DPYS: variants seen among roughly 807,000 people sequenced by gnomAD.
DPYS encodes the protein dihydropyrimidine amidohydrolase.
DPYS carries 39 observed loss-of-function variants against 50.3 expected under a neutral mutation model. The observed-to-expected ratio is 0.78, with a 90% confidence interval of 0.60 to 1.01. DPYS has a LOEUF of 1.01. Among genes scored for constraint, DPYS ranks in the 50% least tolerant of loss-of-function variants. DPYS has a pLI of 0.00. For synonymous variants in DPYS, 245 were observed against 250.7 expected, an observed-to-expected ratio of 0.98 and a Z score of 0.22; for missense variants, 659 against 680.9, an observed-to-expected ratio of 0.97 and a Z score of 0.36.
chr8:104,417,335 A>C (rs1375466545), intron 7 of DPYS, among the ~76,000 whole-genome samples: 4 of 152,238 alleles, frequency 2.6e-5, no homozygotes, highest in Non-Finnish European at 5.9e-5. Flanking sequence ...GGATGGTTTT[A>C]AATTGCCAGA....
intron 7 of DPYS, among the ~76,000 whole-genome samples, chr8:104,402,764 A>AT (rs1438883018): frequency 6.6e-6 from 1 of 152,224 alleles, no homozygotes; most frequent in Non-Finnish European, 1.5e-5. Flanking sequence ...AGAAAAAGGA[A>AT]TTAAGAGACA....
chr8:104,395,224 C>G (rs1319937830), intron 7 of DPYS, among the ~76,000 whole-genome samples: 1 of 152,152 alleles, frequency 6.6e-6, no homozygotes, highest in Non-Finnish European at 1.5e-5. Context: ...GTCTCAAACT[C>G]CAAGGCTCAA....
At chr8:104,402,604 T>G (rs775009263) in intron 7 of DPYS, among the ~76,000 whole-genome samples, 4 of 152,190 alleles carry the variant, frequency 2.6e-5, no homozygotes, top group African/African-American at 7.2e-5. Context: ...TGACATTGCT[T>G]GACAGACTAT....
chr8:104,460,965 T>G (rs1814135594), intron 1 of DPYS, among the ~76,000 whole-genome samples: 1 of 152,050 alleles, frequency 6.6e-6, no homozygotes, highest in African/African-American at 2.4e-5. Context: ...GTTTTTCCTC[T>G]GAAATTGACA....
chr8:104,415,540 T>C (rs1199837657), intron 7 of DPYS, among the ~76,000 whole-genome samples: 13 of 152,148 alleles, frequency 8.5e-5, no homozygotes, highest in Admixed American at 8.5e-4. Flanking sequence ...TGTATGCATA[T>C]GTAATCAACA....
chr8:104,446,291 G>A (rs986652930), intron 3 of DPYS, among the ~76,000 whole-genome samples: 2 of 152,092 alleles, frequency 1.3e-5, no homozygotes, highest in African/African-American at 2.4e-5. Flanking sequence ...AAAAAGATAT[G>A]AAGTTATTTC....
intron 1 of DPYS, among the ~76,000 whole-genome samples, chr8:104,457,524 TATGGTGCCA>T (rs1813968298): frequency 6.6e-6 from 1 of 152,252 alleles, no homozygotes; most frequent in Non-Finnish European, 1.5e-5. Flanking sequence ...TCTTCCCTTT[TATGGTGCCA>T]CCAAATTCTT....
At chr8:104,400,182 T>C (rs1811747568) in intron 7 of DPYS, among the ~76,000 whole-genome samples, 1 of 152,176 alleles carries the variant, frequency 6.6e-6, no homozygotes, top group Non-Finnish European at 1.5e-5. Context: ...AGTGTGTTTT[T>C]ACTGAAGTGA....
At chr8:104,439,342 T>A (rs1350732573) in intron 4 of DPYS, among the ~76,000 whole-genome samples, 3 of 152,196 alleles carry the variant, frequency 2.0e-5, no homozygotes, top group Non-Finnish European at 2.9e-5. Context: ...AGATAGAAGA[T>A]ACTTACTTTC....
rs374011466 is a variant in DPYS at position 104,429,531 on chromosome 8, T to G, written c.950+14A>C. ...TTTGGCAATACACTTCCCAGTCATC[T>G]GCAAAATGATTACTTAGCCAACAGA... On this transcript the variant is annotated intron_variant, in intron 5 of 9. Coordinates refer to ENST00000351513, the MANE Select transcript of DPYS (RefSeq NM_001385.3). 9.3e-6 allele frequency: 15 copies of G among 1,613,888 alleles called. No homozygotes were observed. The African/African-American group carries it at 2.0e-4, about 22-fold the overall frequency.
rs558330212 is a variant in DPYS, at chr8:104,437,556, C to G, written c.793+6692G>C. On this transcript the variant is annotated intron_variant, in intron 4 of 9. Coordinates refer to ENST00000351513, the MANE Select transcript of DPYS (RefSeq NM_001385.3). Reference sequence around the variant, plus strand: ...ATATGGCCTAAAAAAATGAGGAACTCTCAGTTCCAGGAATTCCCTGCCCCT... The same window carrying G: ...ATATGGCCTAAAAAAATGAGGAACTGTCAGTTCCAGGAATTCCCTGCCCCT... 4.6e-5 allele frequency among the ~76,000 whole-genome samples: 7 copies of G among 152,322 alleles called. No individual in the cohort carries two copies. The South Asian group carries it at 1.2e-3, about 27-fold the overall frequency.
chr8:104,442,362 T>C (rs1320881047), intron 4 of DPYS, among the ~76,000 whole-genome samples: 1 of 152,110 alleles, frequency 6.6e-6, no homozygotes, highest in African/African-American at 2.4e-5. Flanking sequence ...CAGTCAAAAT[T>C]GGAGCTTGAA....
chr8:104,415,118 G>A (rs1313149923), intron 7 of DPYS, among the ~76,000 whole-genome samples: 19 of 152,190 alleles, frequency 1.2e-4, no homozygotes, highest in Admixed American at 1.2e-3. Context: ...CTCAACAAAT[G>A]ACTATTGAGC....
rs536418270 is a variant in DPYS, at chr8:104,409,346, G to A, written c.1235+14901C>T. On this transcript the variant is annotated intron_variant, in intron 7 of 9. Transcript: ENST00000351513. The stretch of plus-strand genomic sequence containing the variant: ...CTAAGAGTACAAAAATTAGCTGGGC[G>A]TGGTGGTGCACGCCTGTAATTCCAG... Among the ~76,000 whole-genome samples, 7 of 152,072 alleles carry A rather than the reference G, an allele frequency of 4.6e-5. No individual in the cohort carries two copies. In the South Asian group the frequency reaches 1.5e-3, roughly 32 times the overall value.
intron 6 of DPYS, among the ~76,000 whole-genome samples, chr8:104,425,988 G>A (rs1177547434): frequency 6.6e-6 from 1 of 151,966 alleles, no homozygotes; most frequent in African/African-American, 2.4e-5. Flanking sequence ...ATATACCAGG[G>A]AACTATATAG....
Position 104,422,608 on chromosome 8 carries a change from A to G in DPYS, c.1235+1639T>C, listed in dbSNP as rs188142268. Among the ~76,000 whole-genome samples the G allele has an allele frequency of 1.3e-4, 20 of 152,346 alleles. No individual in the cohort carries two copies. The East Asian group carries it at 3.1e-3, about 23-fold the overall frequency. On this transcript the variant is annotated intron_variant, in intron 7 of 9. Transcript: ENST00000351513. ...AGCTGTGACGTACAGATTATTACTG[A>G]TGATTAACATTAGTATGATGCTCCC... is the stretch of plus-strand genomic sequence containing the variant.
At chr8:104,420,984 A>T (rs1447881357) in intron 7 of DPYS, 2 of 152,220 alleles carry the variant, frequency 1.3e-5, no homozygotes, top group Non-Finnish European at 2.9e-5. Context: ...GATTCTAACC[A>T]AAACTTTATG....
chr8:104,424,826 CTT>C (rs11291771), intron 6 of DPYS, among the ~76,000 whole-genome samples: 103 of 135,754 alleles, frequency 7.6e-4, no homozygotes, highest in East Asian at 1.3e-3. Context: ...GGTGACAACA[CTT>C]TTTTTTTTTT....
chr8:104,408,940 G>A lies in DPYS; in HGVS notation c.1235+15307C>T, dbSNP rs185069411. On this transcript the variant is annotated intron_variant, in intron 7 of 9. Transcript: ENST00000351513. ...ATGATTCTCCTGCCTCAGCCTCCCA[G>A]GTAGCTCGGATTACAGGCGCCGGCC... 2.0e-3 allele frequency among the ~76,000 whole-genome samples: 310 copies of A among 151,468 alleles called. 1 individual carries two copies. The highest frequency in any genetic ancestry group is 5.6e-3 in the African/African-American group (231 of 41,362).
Sources: gnomAD v4.1 joint callset for allele counts (sites outside exome capture counted in the v4.1 genomes callset) on GRCh38, gnomAD v4.1.1 for gene constraint, MANE v1.5 for transcripts, NCBI Gene and HGNC (gene_info 2026-07-23, HGNC 2026-07-21) for gene names.